The following MTUS2 variants were observed in gnomAD, a reference collection of about 807,000 sequenced individuals.
MTUS2 encodes the protein microtubule-associated tumor suppressor candidate 2.
MTUS2 carries 40 observed loss-of-function variants against 114.1 expected under a neutral mutation model. That is an observed-to-expected ratio of 0.35 (90% CI 0.27 to 0.46). MTUS2 has a LOEUF of 0.46. Ranked by LOEUF, MTUS2 falls within the 20% of genes least tolerant of loss-of-function variation. The pLI, the probability that MTUS2 is intolerant of heterozygous loss-of-function variation, is 1.00. For synonymous variants in MTUS2, 688 were observed against 672.0 expected (o/e 1.02, Z -0.37); for missense variants, 1,679 against 1,705.4 (o/e 0.98, Z 0.27).
At chr13:28,894,292 GA>G (rs1879113985) in intron 2 of MTUS2, among the ~76,000 whole-genome samples, 1 of 10,010 alleles carries the variant, frequency 1.0e-4, no homozygotes, top group African/African-American at 5.1e-4. Flanking sequence ...GGGGGGGGGA[GA>G]GAGAGAGAGA....
At chr13:29,227,298 C>T (rs986457499) in intron 5 of MTUS2, among the ~76,000 whole-genome samples, 6 of 150,608 alleles carry the variant, frequency 4.0e-5, no homozygotes, top group South Asian at 2.1e-4. Context: ...GAGGCAGCTT[C>T]ATCCTCAAAA....
At chr13:29,121,617 A>G (rs984837996) in intron 5 of MTUS2, among the ~76,000 whole-genome samples, 1 of 152,008 alleles carries the variant, frequency 6.6e-6, no homozygotes, top group South Asian at 2.1e-4. Context: ...CCTAAGTTCA[A>G]ATCCCTGCTC....
chr13:28,821,550 A>AT (rs537649431), intron 1 of MTUS2, among the ~76,000 whole-genome samples: 3 of 152,186 alleles, frequency 2.0e-5, no homozygotes, highest in South Asian at 2.1e-4. Flanking sequence ...ATTTATGGCT[A>AT]TTTTTTTCAG....
At chr13:28,894,467 C>T (rs1481499821) in intron 2 of MTUS2, among the ~76,000 whole-genome samples, 1 of 152,076 alleles carries the variant, frequency 6.6e-6, no homozygotes, top group South Asian at 2.1e-4. Context: ...ACAAAATCTA[C>T]TGGCACCTTG....
intron 9 of MTUS2, among the ~76,000 whole-genome samples, chr13:29,451,139 A>G (rs747356388): frequency 5.9e-5 from 9 of 152,240 alleles, no homozygotes; most frequent in Non-Finnish European, 1.3e-4. Flanking sequence ...CAGAATACAC[A>G]TCTTTTTCAA....
intron 5 of MTUS2, among the ~76,000 whole-genome samples, chr13:29,107,863 A>G (rs1890733047): frequency 6.6e-6 from 1 of 152,200 alleles, no homozygotes; most frequent in Non-Finnish European, 1.5e-5. Flanking sequence ...ATTAAATTCT[A>G]GAGTTTTATT....
chr13:29,055,164 A>T (rs1888075458), intron 4 of MTUS2, among the ~76,000 whole-genome samples: 1 of 152,070 alleles, frequency 6.6e-6, no homozygotes, highest in South Asian at 2.1e-4. Flanking sequence ...TGGATTTAAA[A>T]CACTATTTCA....
At chr13:28,844,167 C>T (rs1461154397) in intron 2 of MTUS2, among the ~76,000 whole-genome samples, 1 of 152,174 alleles carries the variant, frequency 6.6e-6, no homozygotes, top group Non-Finnish European at 1.5e-5. Context: ...TCACATCAGC[C>T]ATTTGGTCGT....
chr13:28,913,115 G>C lies in MTUS2; in HGVS notation c.-243+73265G>C, dbSNP rs566900288. Among the ~76,000 whole-genome samples, 31 of 152,142 alleles carry C rather than the reference G, an allele frequency of 2.0e-4. 1 individual carries two copies. In the South Asian group the frequency reaches 6.4e-3, roughly 32 times the overall value. On this transcript the variant is annotated intron_variant, in intron 2 of 15. Coordinates refer to ENST00000612955, the MANE Select transcript of MTUS2 (RefSeq NM_001033602.4). The stretch of plus-strand genomic sequence containing the variant: ...TGAATACCCTTTATTTCTTTATCTT[G>C]CCTGATTCCCCTGGCCAGAACTTCC...
intron 5 of MTUS2, among the ~76,000 whole-genome samples, chr13:29,268,326 A>C (rs952799400): frequency 2.6e-5 from 4 of 152,222 alleles, no homozygotes; most frequent in Non-Finnish European, 4.4e-5. Context: ...AAATAGATAA[A>C]GGATGCTCAG....
chr13:28,835,859 A>G (rs941048591), intron 1 of MTUS2, among the ~76,000 whole-genome samples: 6 of 152,188 alleles, frequency 3.9e-5, no homozygotes, highest in Non-Finnish European at 5.9e-5. Context: ...GGCTCAGTAG[A>G]ACTCTGAAAA....
chr13:29,206,210 GA>G (rs1895178574), intron 5 of MTUS2, among the ~76,000 whole-genome samples: 1 of 152,048 alleles, frequency 6.6e-6, no homozygotes, highest in African/African-American at 2.4e-5. Flanking sequence ...TTATATTTGA[GA>G]ATTGAGAATT....
At chr13:29,344,034 A>C (rs973497690) in intron 7 of MTUS2, among the ~76,000 whole-genome samples, 1 of 151,780 alleles carries the variant, frequency 6.6e-6, no homozygotes, top group Non-Finnish European at 1.5e-5. Flanking sequence ...TGTAATTTCA[A>C]TTTTCTGAAA....
intron 5 of MTUS2, among the ~76,000 whole-genome samples, chr13:29,126,541 C>A (rs1891523326): frequency 6.6e-6 from 1 of 152,230 alleles, no homozygotes; most frequent in Non-Finnish European, 1.5e-5. Flanking sequence ...CAACCTGCAA[C>A]CTCCTGGCTC....
chr13:28,946,304 T>C (rs9508193), intron 2 of MTUS2, among the ~76,000 whole-genome samples: 127,801 of 150,254 alleles, frequency 0.85, 54,369 homozygotes, highest in Non-Finnish European at 0.9. Context: ...TGTGTGTGTG[T>C]GCGCGCGCAC....
In MTUS2 at chr13:28,899,157, G is replaced by A. The variant is rs540421656; in HGVS notation, c.-243+59307G>A. On this transcript the variant is annotated intron_variant, in intron 2 of 15. Transcript: ENST00000612955. ...TTGCAAGAAATAATAGAGATCTCAC[G>A]TACCGTTTTCCTCAATAATAATATC... Among the ~76,000 whole-genome samples, 6 of 152,174 alleles carry A rather than the reference G, an allele frequency of 3.9e-5. No homozygotes were observed. In the East Asian group the frequency reaches 5.8e-4, roughly 15 times the overall value.
intron 5 of MTUS2, among the ~76,000 whole-genome samples, chr13:29,278,912 G>A (rs1021737905): frequency 2.6e-5 from 4 of 151,778 alleles, no homozygotes; most frequent in African/African-American, 9.7e-5. Flanking sequence ...TTCTCACGTC[G>A]AGCAGCCCAT....
intron 4 of MTUS2, among the ~76,000 whole-genome samples, chr13:29,091,573 C>G (rs902489040): frequency 6.6e-6 from 1 of 152,128 alleles, no homozygotes; most frequent in Non-Finnish European, 1.5e-5. Context: ...ATGATCCAGT[C>G]TTCCCCTTAG....
intron 8 of MTUS2, among the ~76,000 whole-genome samples, chr13:29,382,238 G>GA (rs1251562433): frequency 2.0e-5 from 3 of 152,186 alleles, no homozygotes; most frequent in Non-Finnish European, 4.4e-5. Flanking sequence ...CAGTGGTGGA[G>GA]ACCCTGGCCC....
Sources: allele counts gnomAD v4.1 joint callset (sites outside exome capture counted in the v4.1 genomes callset), GRCh38; gene constraint gnomAD v4.1.1; transcripts MANE v1.5; gene names NCBI Gene and HGNC (gene_info 2026-07-23, HGNC 2026-07-21).